Variants in GLT1D1 observed in about 807,000 individuals in gnomAD.
GLT1D1 encodes glycosyltransferase 1 domain containing 1.
GLT1D1 carries 21 observed loss-of-function variants against 28.7 expected under a neutral mutation model. The ratio of observed to expected loss-of-function variants is 0.73; its 90% confidence interval spans 0.52 to 1.05. The LOEUF (loss-of-function observed/expected upper bound fraction) is 1.05. Ranked by LOEUF, GLT1D1 falls within the 50% of genes least tolerant of loss-of-function variation. The probability of loss-of-function intolerance (pLI) is 0.00; values close to 1 mark genes in which losing one functional copy is unlikely to be tolerated. For synonymous variants in GLT1D1, 147 were observed against 124.8 expected (o/e 1.18, Z -1.19); for missense variants, 343 against 330.6 (o/e 1.04, Z -0.29).
chr12:128,867,160 G>A (rs374511460), intron 1 of GLT1D1, among the ~76,000 whole-genome samples: 1 of 151,042 alleles, frequency 6.6e-6, no homozygotes, highest in East Asian at 2.0e-4. Flanking sequence ...TTGGGAGGCC[G>A]AGGCGGGCGG....
At chr12:128,982,190 C>G (rs114776521) in intron 7 of GLT1D1, among the ~76,000 whole-genome samples, 1 of 152,094 alleles carries the variant, frequency 6.6e-6, no homozygotes, top group Non-Finnish European at 1.5e-5. Context: ...AAGCAAAGAG[C>G]TGATAAACCC....
At chr12:128,889,610 C>T (rs1868803658) in intron 3 of GLT1D1, among the ~76,000 whole-genome samples, 1 of 152,162 alleles carries the variant, frequency 6.6e-6, no homozygotes, top group Non-Finnish European at 1.5e-5. Flanking sequence ...GCTGTACTTC[C>T]CAACTTTTCC....
intron 4 of GLT1D1, among the ~76,000 whole-genome samples, chr12:128,942,739 G>GTT (rs199567989): frequency 0.033 from 3,302 of 101,464 alleles, 404 homozygotes; most frequent in Non-Finnish European, 0.047. Context: ...TTCTTTGTTT[G>GTT]TTTGTTTTTG....
At chr12:128,971,346 CT>C (rs1879030873) in intron 7 of GLT1D1, among the ~76,000 whole-genome samples, 2 of 134,354 alleles carry the variant, frequency 1.5e-5, no homozygotes, top group Admixed American at 1.6e-4. Flanking sequence ...CCCTCCTTTT[CT>C]TCATCTGTTC....
At chr12:128,864,215 C>G (rs767468554) in intron 1 of GLT1D1, 1 of 640,106 alleles carries the variant, frequency 1.6e-6, no homozygotes, top group East Asian at 2.9e-5. Flanking sequence ...TTGCAACCCA[C>G]GGGCACTCCG....
chr12:128,890,247 C>T (rs1868883408), intron 3 of GLT1D1, among the ~76,000 whole-genome samples: 1 of 152,168 alleles, frequency 6.6e-6, no homozygotes, highest in African/African-American at 2.4e-5. Context: ...AACACGCCTT[C>T]TCTGCGCAGC....
intron 3 of GLT1D1, among the ~76,000 whole-genome samples, chr12:128,889,390 G>A (rs1388838956): frequency 6.6e-6 from 1 of 152,162 alleles, no homozygotes; most frequent in African/African-American, 2.4e-5. Flanking sequence ...AGAGGTAGCT[G>A]CTGTGAGAAC....
intron 6 of GLT1D1, among the ~76,000 whole-genome samples, chr12:128,948,956 A>G (rs1369400017): frequency 5.3e-5 from 8 of 152,210 alleles, no homozygotes; most frequent in African/African-American, 1.9e-4. Flanking sequence ...CTTTCAGAGC[A>G]CAAAGTGTGA....
At chr12:128,860,639 T>C (rs1477730545) in intron 1 of GLT1D1, among the ~76,000 whole-genome samples, 1 of 152,152 alleles carries the variant, frequency 6.6e-6, no homozygotes, top group Non-Finnish European at 1.5e-5. Flanking sequence ...GATTGGCTAG[T>C]GTGGCTGCCA....
chr12:128,977,408 C>A (rs1445075121), intron 7 of GLT1D1, among the ~76,000 whole-genome samples: 4 of 152,130 alleles, frequency 2.6e-5, no homozygotes, highest in Non-Finnish European at 5.9e-5. Flanking sequence ...GTTGGCACAC[C>A]TGTGGCCCTG....
At chr12:128,876,151 TC>T (rs1256689008) in intron 2 of GLT1D1, 89 bp downstream of exon 2, 3 of 1,160,534 alleles carry the variant, frequency 2.6e-6, no homozygotes, top group Non-Finnish European at 3.7e-6. Flanking sequence ...AAACAGTGTC[TC>T]CTTTTTATCC....
At chr12:128,944,254 C>T (rs1164866540) in intron 4 of GLT1D1, 2 of 563,858 alleles carry the variant, frequency 3.5e-6, no homozygotes, top group Admixed American at 2.3e-5. Flanking sequence ...ACTAATAGTT[C>T]CACACATTTC....
At chr12:128,861,777 T>C (rs1353591998) in intron 1 of GLT1D1, among the ~76,000 whole-genome samples, 1 of 149,678 alleles carries the variant, frequency 6.7e-6, no homozygotes, top group African/African-American at 2.5e-5. Flanking sequence ...CAAACATCCT[T>C]TGCATCCAAG....
At chr12:128,854,297 G>T (rs1441672288) in intron 1 of GLT1D1, among the ~76,000 whole-genome samples, 2 of 152,274 alleles carry the variant, frequency 1.3e-5, no homozygotes, top group African/African-American at 2.4e-5. Flanking sequence ...CCTCCCACCC[G>T]CACAGCGGGC....
chr12:128,859,349 A>G (rs1450583599), intron 1 of GLT1D1, among the ~76,000 whole-genome samples: 1 of 152,224 alleles, frequency 6.6e-6, no homozygotes, highest in Non-Finnish European at 1.5e-5. Flanking sequence ...CAGCCTTCAC[A>G]GCACAGAATC....
At chr12:128,926,235 TAAG>T (rs1216891826) in intron 4 of GLT1D1, 121 bp from the exon 7 acceptor site, 100 of 253,798 alleles carry the variant, frequency 3.9e-4, no homozygotes, top group African/African-American at 2.4e-3. Flanking sequence ...ATAATAATAA[TAAG>T]AGTAGGAGAA....
At position 128,899,126 on chromosome 12, in the gene GLT1D1, A is replaced by G; in HGVS notation, c.324-110A>G. 3.9e-6 allele frequency: 3 copies of G among 766,808 alleles called. No individual in the cohort carries two copies. In the Admixed American group the frequency reaches 6.5e-5, roughly 17 times the overall value. The allele number at this position is 766,808 out of a possible 1,614,324, so 47.5% of individuals were successfully genotyped here. A position where few individuals can be genotyped will look rare whatever the true frequency, so the allele number is the denominator to read the frequency against. On this transcript the variant is annotated intron_variant, in intron 3 of 7. Coordinates refer to ENST00000281703, the MANE Select transcript of GLT1D1 (RefSeq NM_144669.3). The stretch of plus-strand genomic sequence containing the variant: ...AAGTAATAAAGATTGATTGCATTTT[A>G]AATTTAGTGTCTCACGTTGTCTCTC...
intron 7 of GLT1D1, among the ~76,000 whole-genome samples, chr12:128,957,987 C>G (rs949825872): frequency 6.6e-6 from 1 of 152,248 alleles, no homozygotes; most frequent in Non-Finnish European, 1.5e-5. Flanking sequence ...TTTCAAAGGA[C>G]GGGCGCCTAT....
rs761083100 is a variant in GLT1D1, at chr12:128,928,611, G to GC, written c.376-16715_376-16714insC. Among the ~76,000 whole-genome samples, 53 of 147,080 alleles carry GC rather than the reference G, an allele frequency of 3.6e-4. 1 individual carries two copies. Among genetic ancestry groups the GC allele is most frequent in the Admixed American group, 5.4e-4 (8 of 14,832 alleles). ...GCCAGTGACAGCTCCGCGTGTTTGTGGTTTTTTTTTTTCTTTCTTTCTTTT... is the reference window on the plus strand; with the variant it reads ...GCCAGTGACAGCTCCGCGTGTTTGTGCGTTTTTTTTTTTCTTTCTTTCTTTT... On this transcript the variant is annotated intron_variant, in intron 4 of 7. Transcript: ENST00000281703.
Sources: allele counts gnomAD v4.1 joint callset (sites outside exome capture counted in the v4.1 genomes callset), GRCh38; gene constraint gnomAD v4.1.1; transcripts MANE v1.5; gene names NCBI Gene and HGNC (gene_info 2026-07-23, HGNC 2026-07-21).